Variants in ANKRD42 observed in about 807,000 individuals in gnomAD.
ANKRD42 encodes the protein ankyrin repeat domain 42, also known as ankyrin repeat domain-containing protein 42.
Under a neutral mutation model 51.5 loss-of-function variants are expected in ANKRD42, and 43 were observed. The ratio of observed to expected loss-of-function variants is 0.83; its 90% CI spans 0.65 to 1.08. ANKRD42 has a LOEUF of 1.08. Among genes scored for constraint, ANKRD42 ranks in the 50% least tolerant of loss-of-function variants. ANKRD42 has a pLI of 0.00. For synonymous variants in ANKRD42, 203 were observed against 213.0 expected, an observed-to-expected ratio of 0.95 and a Z score of 0.41; for missense variants, 608 against 629.3, an observed-to-expected ratio of 0.97 and a Z score of 0.36.
intron 6 of ANKRD42, 77 bp from the exon 7 acceptor site, chr11:83,227,670 G>A (rs1365430762): frequency 2.1e-6 from 3 of 1,463,132 alleles, no homozygotes; most frequent in African/African-American, 1.4e-5. Context: ...ATTGAAACCT[G>A]AAATATATGA....
At chr11:83,224,080 C>T (rs1192037507) in intron 5 of ANKRD42, among the ~76,000 whole-genome samples, 1 of 151,022 alleles carries the variant, frequency 6.6e-6, no homozygotes. Flanking sequence ...TTTTTTATAG[C>T]TTTAAAAAAT....
intron 5 of ANKRD42, among the ~76,000 whole-genome samples, chr11:83,216,759 C>A (rs1018052536): frequency 2.6e-5 from 4 of 152,258 alleles, no homozygotes; most frequent in Admixed American, 2.6e-4. Flanking sequence ...TCAATATTAT[C>A]CATCCAGGAC....
Position 83,227,864 on chromosome 11 carries a change from T to C in ANKRD42, c.905T>C (p.Met302Thr), listed in dbSNP as rs1428269050. Residue 302 changes from methionine to threonine, a missense_variant, in exon 7 of 11, where the codon ATG becomes ACG. Coordinates refer to ENST00000533342, the MANE Select transcript of ANKRD42 (RefSeq NM_001300975.2). ...NERADNGSTPMHKAAGQGHIE... is the reference protein window; with the variant it reads ...NERADNGSTPTHKAAGQGHIE... ...CGTGCTGATAATGGATCAACTCCTA[T>C]GCATAAAGGTGAGTTATGATTCCTC... 7 of 1,603,004 alleles carry C rather than the reference T, an allele frequency of 4.4e-6. No individual in the cohort carries two copies. Among genetic ancestry groups the C allele is most frequent in the Middle Eastern group, 3.3e-4 (2 of 6,002 alleles).
downstream of ANKRD42, among the ~76,000 whole-genome samples, chr11:83,249,655 A>G (rs1408712179): frequency 6.6e-6 from 1 of 152,152 alleles, no homozygotes; most frequent in East Asian, 1.9e-4. Context: ...TCACTCTACC[A>G]ACAATGTGTA....
chr11:83,224,660 G>A (rs920896211), intron 5 of ANKRD42, among the ~76,000 whole-genome samples, 195 bp from the exon 6 acceptor site: 1 of 152,080 alleles, frequency 6.6e-6, no homozygotes. Context: ...GCTCCTGCCT[G>A]TACTCCCAGC....
intron 5 of ANKRD42, among the ~76,000 whole-genome samples, chr11:83,221,086 T>G (rs1862705118): frequency 6.6e-6 from 1 of 152,196 alleles, no homozygotes; most frequent in African/African-American, 2.4e-5. Context: ...TTCCATTTTT[T>G]TTTTCTCCTA....
At chr11:83,246,187 A>G (rs1863537181) in intron 10 of ANKRD42, among the ~76,000 whole-genome samples, 1 of 152,178 alleles carries the variant, frequency 6.6e-6, no homozygotes. Context: ...AATAATCAGG[A>G]AAAAGAAATA....
downstream of ANKRD42, chr11:83,259,989 TCAGATGGGCTGGTCC>T (rs2135574017): frequency 6.6e-6 from 1 of 152,332 alleles, no homozygotes; most frequent in African/African-American, 2.4e-5. Context: ...GAATGTCTCT[TCAGATGGGCTGGTCC>T]CAAACAGGAG....
intron 4 of ANKRD42, 58 bp downstream of exon 4, chr11:83,210,477 G>A: frequency 6.3e-7 from 1 of 1,579,520 alleles, no homozygotes; most frequent in Non-Finnish European, 8.6e-7. Context: ...AATAGCATTT[G>A]GTAGTCTAGT....
chr11:83,227,731 AT>A lies in ANKRD42; in HGVS notation c.788-9del, dbSNP rs1175141315. On this transcript the variant is annotated splice_polypyrimidine_tract_variant and intron_variant, in intron 6 of 10. Transcript: ENST00000533342. The stretch of plus-strand genomic sequence containing the variant: ...ACTCTTATGTTTATTGAAATGCTGA[AT>A]TTTTTTATTCATAGCTTTAGCATTT... The A allele has an allele frequency of 7.5e-6, 12 of 1,596,666 alleles. No individual in the cohort carries two copies. Among genetic ancestry groups the A allele is most frequent in the Non-Finnish European group, 1.0e-5 (12 of 1,175,014 alleles).
chr11:83,212,150 C>G (rs1862346982), intron 5 of ANKRD42, among the ~76,000 whole-genome samples: 1 of 151,844 alleles, frequency 6.6e-6, no homozygotes. Context: ...GTGGTGTGCT[C>G]TCAGCTCACT....
At chr11:83,216,784 A>C (rs1435634539) in intron 5 of ANKRD42, among the ~76,000 whole-genome samples, 1 of 152,180 alleles carries the variant, frequency 6.6e-6, no homozygotes. Flanking sequence ...GTAAGTTCTG[A>C]TGCAGGAAAT....
At chr11:83,240,579 G>T (rs1863355918) in intron 8 of ANKRD42, among the ~76,000 whole-genome samples, 180 bp from the exon 9 acceptor site, 1 of 152,176 alleles carries the variant, frequency 6.6e-6, no homozygotes, top group Admixed American at 6.5e-5. Flanking sequence ...CCAAGTAACT[G>T]AGTTTCTTAC....
At chr11:83,257,322 G>A (rs1863791371), downstream of ANKRD42, 1 of 455,830 alleles carries the variant, frequency 2.2e-6, no homozygotes, top group African/African-American at 2.0e-5. Context: ...GGGGAGACAG[G>A]AGCCACAGAG....
chr11:83,199,448 C>T (rs956402653), intron 2 of ANKRD42, among the ~76,000 whole-genome samples: 1 of 152,040 alleles, frequency 6.6e-6, no homozygotes, highest in African/African-American at 2.4e-5. Flanking sequence ...CATATGGTTA[C>T]ATATATGTAC....
At position 83,228,231 on chromosome 11, in the gene ANKRD42, CTTTTTTTTTTTTTTTTTTTT is replaced by C. The variant is rs11403803; in HGVS notation, c.913+378_913+397del. 6.1e-4 allele frequency among the ~76,000 whole-genome samples: 36 copies of C among 59,024 alleles called. No individual in the cohort carries two copies. In the South Asian group the frequency reaches 6.7e-3, roughly 11 times the overall value. The allele number at this position is 59,024 out of a possible 152,430, so 38.7% of individuals were successfully genotyped here. ...AAATAGAAATCATCCCTCTCTCTCTCTTTTTTTTTTTTTTTTTTTTTTTTTTTTTTTTTTTTTTAGACCGG... is the reference window on the plus strand; with the variant it reads ...AAATAGAAATCATCCCTCTCTCTCTCTTTTTTTTTTTTTTTTTTAGACCGG... On this transcript the variant is annotated intron_variant, in intron 7 of 10. Transcript: ENST00000533342.
downstream of ANKRD42, among the ~76,000 whole-genome samples, chr11:83,250,545 T>C (rs1274191913): frequency 6.6e-6 from 1 of 152,172 alleles, no homozygotes; most frequent in Non-Finnish European, 1.5e-5. Context: ...CACATTATAT[T>C]TTTCTAATAC....
In ANKRD42 at chr11:83,209,630, A is replaced by G; in HGVS notation, c.331-670A>G. On this transcript the variant is annotated intron_variant, in intron 3 of 10. Coordinates refer to ENST00000533342, the MANE Select transcript of ANKRD42 (RefSeq NM_001300975.2). The stretch of plus-strand genomic sequence containing the variant: ...CCGGTGCCCACTACCCAAGAAGCCA[A>G]AGAAATGAAGCTGGCAAGCTGCTTT... 3.6e-6 allele frequency: 3 copies of G among 838,146 alleles called. No homozygotes were observed. The South Asian group carries it at 4.0e-5, about 11-fold the overall frequency. 51.9% of individuals were successfully genotyped at this position (838,146 alleles called of 1,614,324 possible).
intron 5 of ANKRD42, 72 bp from the exon 6 acceptor site, chr11:83,224,783 C>A: frequency 8.0e-7 from 1 of 1,242,924 alleles, no homozygotes; most frequent in Non-Finnish European, 1.1e-6. Context: ...GATCTTGTCT[C>A]TAAATACATA....
Sources: gnomAD v4.1 joint callset for allele counts (sites outside exome capture counted in the v4.1 genomes callset) on GRCh38, gnomAD v4.1.1 for gene constraint, MANE v1.5 for transcripts, NCBI Gene and HGNC (gene_info 2026-07-23, HGNC 2026-07-21) for gene names.